Variants in TTN observed in about 807,000 individuals in gnomAD.
TTN encodes titin.
Under a neutral mutation model 3,223.0 loss-of-function variants are expected in TTN, and 1,525 were observed. That is an observed-to-expected ratio of 0.47 (90% confidence interval 0.45 to 0.49). The LOEUF is 0.49. Ranked by LOEUF, TTN falls within the 20% of genes least tolerant of loss-of-function variation. TTN has a pLI of 0.00. For synonymous variants in TTN, 14,094 were observed against 15,161.0 expected (o/e 0.93, Z 5.17); for missense variants, 40,786 against 43,424.0 (o/e 0.94, Z 5.40).
At position 178,781,905 on chromosome 2, in the gene TTN, AGTGTGTGT is replaced by A. The variant is rs139001573; in HGVS notation, c.3380+299_3380+306del. On this transcript the variant is annotated intron_variant, in intron 20 of 362. Transcript: ENST00000589042. ...AAAATTGTCTCAAATCTTTTCTGGA[AGTGTGTGT>A]GTGTGTGTGTGTGTGTGGGTGTGTT... 1.0e-3 allele frequency among the ~76,000 whole-genome samples: 152 copies of A among 149,856 alleles called. 1 individual carries two copies. The highest frequency in any genetic ancestry group is 3.1e-3 in the African/African-American group (127 of 40,908).
At chr2:178,632,489 A>G in intron 235 of TTN, 37 bp downstream of exon 235, 1 of 1,591,746 alleles carries the variant, frequency 6.3e-7, no homozygotes, top group Non-Finnish European at 8.5e-7. Context: ...GGCAAAAAAA[A>G]TGATTTTGGG....
intron 24 of TTN, 136 bp from the exon 25 acceptor site, chr2:178,778,111 A>C: frequency 7.5e-6 from 8 of 1,066,644 alleles, no homozygotes; most frequent in Non-Finnish European, 9.6e-6. Flanking sequence ...CCTCAAACTC[A>C]TTCAGATCTA....
intron 157 of TTN, 82 bp downstream of exon 157, chr2:178,670,136 T>C (rs1194997099): frequency 2.4e-6 from 2 of 841,752 alleles, no homozygotes; most frequent in South Asian, 3.4e-5. Context: ...TCTTGTGGCA[T>C]TGAGAAGAGA....
At chr2:178,701,822 T>C (rs2075055518) in intron 109 of TTN, among the ~76,000 whole-genome samples, 1 of 152,198 alleles carries the variant, frequency 6.6e-6, no homozygotes, top group Admixed American at 6.5e-5. Flanking sequence ...GATTCTAGCA[T>C]CAGCTGAGTG....
In TTN at chr2:178,667,296, A is replaced by G; in HGVS notation, c.35737T>C (p.Phe11913Leu). ...GCCTCAGGTGGCTCCACCTCTGGAA[A>G]AATGCCTCTGGTTGTATCAGGTTCT... ...TKEPDTTRGI[F>L]PEVEPPEAIP... is the part of the protein sequence containing the mutation. Residue 11913 changes from phenylalanine (F) to leucine (L), a missense_variant, in exon 162 of 363, where the codon TTT (phenylalanine) becomes CTT (leucine). Coordinates refer to ENST00000589042, the MANE Select transcript of TTN (RefSeq NM_001267550.2). 1.9e-6 allele frequency: 3 copies of G among 1,605,122 alleles called. No individual in the cohort carries two copies. Among genetic ancestry groups the G allele is most frequent in the Non-Finnish European group, 2.6e-6 (3 of 1,175,838 alleles).
intron 116 of TTN, 75 bp from the exon 117 acceptor site, chr2:178,694,751 T>C (rs2073276320): frequency 1.3e-6 from 2 of 1,484,876 alleles, no homozygotes; most frequent in East Asian, 4.9e-5. Flanking sequence ...TATTTGATTA[T>C]ATAAATAACT....
Position 178,709,834 on chromosome 2 carries a change from G to T in TTN, c.28485C>A (p.Phe9495Leu). The change falls in exon 99 of 363, where the codon TTC becomes TTA. Residue 9495 changes from phenylalanine (F) to leucine (L), a missense_variant. Coordinates refer to ENST00000589042, the MANE Select transcript of TTN (RefSeq NM_001267550.2). ...NIKERLIPPS[F>L]TKRLSETVEE... ...CTACTGTCTCTGAGAGTCTTTTAGT[G>T]AAACTTGGTGGGATGAGCCGCTCTA... The T allele has an allele frequency of 6.2e-7, 1 of 1,612,066 alleles. No individual in the cohort carries two copies.
rs570998762 is a variant in TTN, at chr2:178,565,762, A to G, written c.80370T>C (p.Thr26790=). ...GTGATGCACTGGTCTGGGACACATC[A>G]GTGAGTGTAACCTTTCCTGGTGGGG... ...PPSPPGKVTL[T]DVSQTSASLM... The change falls in exon 326 of 363, where the codon ACT becomes ACC. Residue 26790 remains threonine, a synonymous_variant. Transcript: ENST00000589042. The G allele has an allele frequency of 1.2e-6, 2 of 1,613,586 alleles. No individual in the cohort carries two copies. Among genetic ancestry groups the G allele is most frequent in the Admixed American group, 3.3e-5 (2 of 59,990 alleles).
intron 50 of TTN, among the ~76,000 whole-genome samples, 162 bp from the exon 51 acceptor site, chr2:178,735,150 A>G (rs768448454): frequency 1.3e-5 from 2 of 152,230 alleles, no homozygotes; most frequent in Non-Finnish European, 2.9e-5. Context: ...TATCATTCTA[A>G]GACACTTTCC....
rs146572907 is a variant in TTN, at chr2:178,767,782, G to A, written c.9448C>T (p.Arg3150Ter). 9.9e-6 allele frequency: 16 copies of A among 1,613,974 alleles called. No individual in the cohort carries two copies. Among genetic ancestry groups the A allele is most frequent in the Non-Finnish European group, 1.2e-5 (14 of 1,179,968 alleles). ...ACCTGAACCTCCTTTTTAATACTTCGGATGCGAACATCTCTGCCTTCTACA... is the reference window on the plus strand; with the variant it reads ...ACCTGAACCTCCTTTTTAATACTTCAGATGCGAACATCTCTGCCTTCTACA... ...LFVEGRDVRI[R>*]SIKKEVQVIE... Residue 3150 changes from arginine to a stop codon, truncating the protein, a stop_gained, in exon 40 of 363, where the codon CGA (arginine) becomes TGA (stop). Coordinates refer to ENST00000589042, the MANE Select transcript of TTN (RefSeq NM_001267550.2). LOFTEE classifies it high-confidence loss of function.
At position 178,756,785 on chromosome 2, in the gene TTN, T is replaced by G. The variant is rs974826356; in HGVS notation, c.10691A>C (p.Asp3564Ala). ...TACATCTTTCCCAGAACTTTGCCTA[T>G]CTAGGGCTTGCACTGTATAATCAAG... The part of the protein sequence containing the change: ...LTVTPKVQAL[D>A]RQSSGKDVRE... Residue 3564 changes from aspartate to alanine, a missense_variant, in exon 46 of 363, where the codon GAT becomes GCT. By Grantham distance (126) the Asp-to-Ala change is moderately radical (BLOSUM62 -2). Transcript: ENST00000589042. 2 of 1,613,640 alleles carry G rather than the reference T, an allele frequency of 1.2e-6. No homozygotes were observed. The highest frequency in any genetic ancestry group is 4.5e-5 in the East Asian group (2 of 44,836).
chr2:178,704,010 C>A, intron 106 of TTN, 137 bp downstream of exon 106: 1 of 1,125,900 alleles, frequency 8.9e-7, no homozygotes, highest in Non-Finnish European at 1.2e-6. Context: ...GAGATGAATA[C>A]TATGAGAACG....
At position 178,553,189 on chromosome 2, in the gene TTN, C is replaced by A. The variant is rs397517744; in HGVS notation, c.89711G>T (p.Arg29904Leu). The A allele has an allele frequency of 1.2e-6, 2 of 1,613,812 alleles. No homozygotes were observed. The highest frequency in any genetic ancestry group is 1.7e-6 in the Non-Finnish European group (2 of 1,179,800). ...SSLLTIPQVT[R>L]NDTGKYILTI... is the part of the protein sequence containing the mutation. ...GAGAATATATTTTCCTGTATCATTGCGAGTAACTTGAGGAATGGTGAGTAA... is the reference window on the plus strand; with the variant it reads ...GAGAATATATTTTCCTGTATCATTGAGAGTAACTTGAGGAATGGTGAGTAA... The change falls in exon 335 of 363, where the codon CGC becomes CTC. Residue 29904 changes from arginine (R) to leucine (L), a missense_variant. Transcript: ENST00000589042.
At position 178,594,587 on chromosome 2, in the gene TTN, A is replaced by C; in HGVS notation, c.57907T>G (p.Leu19303Val). 3 of 1,612,978 alleles carry C rather than the reference A, an allele frequency of 1.9e-6. No individual in the cohort carries two copies. Among genetic ancestry groups the C allele is most frequent in the Non-Finnish European group, 2.5e-6 (3 of 1,179,326 alleles). ...VKEVTKNTVT[L>V]TWNPPKYDGG... ...TCATACTTAGGAGGATTCCAAGTCAAAGTTACAGTATTTTTAGTAACTTCT... is the reference window on the plus strand; with the variant it reads ...TCATACTTAGGAGGATTCCAAGTCACAGTTACAGTATTTTTAGTAACTTCT... Residue 19303 changes from leucine to valine, a missense_variant, in exon 296 of 363, where the codon TTG becomes GTG. By Grantham distance (32) the Leu-to-Val change is conservative. Coordinates refer to ENST00000589042, the MANE Select transcript of TTN (RefSeq NM_001267550.2).
chr2:178,558,550 C>T lies in TTN; in HGVS notation c.86909G>A (p.Gly28970Asp), dbSNP rs1575593866. The T allele has an allele frequency of 4.3e-6, 7 of 1,613,632 alleles. No individual in the cohort carries two copies. The highest frequency in any genetic ancestry group is 5.9e-6 in the Non-Finnish European group (7 of 1,179,816). Residue 28970 changes from glycine (G) to aspartate (D), a missense_variant, in exon 327 of 363, where the codon GGC (glycine) becomes GAC (aspartate). Physicochemically the swap from Gly to Asp is moderately conservative, Grantham distance 94. Transcript: ENST00000589042. ...GACATAGTGTACAATTCTGCTTCCG[C>T]CATCATGTTCAGGCTTCAGCCAGGT... ...SLTWLKPEHD[G>D]GSRIVHYVVE...
rs2154220622 is a variant in TTN at position 178,632,318 on chromosome 2, G to A, written c.43576C>T (p.Arg14526Ter). The A allele has an allele frequency of 6.2e-7, 1 of 1,607,790 alleles. No homozygotes were observed. ...TGGTCATTCTTGAACCATTTAACTC[G>A]GATGTTATCATGAGATAACTCCACA... ...FTVELSHDNI[R>*]VKWFKNDQRL... The change falls in exon 236 of 363, where the codon CGA becomes TGA. Residue 14526 changes from arginine (R) to a stop codon, truncating the protein, a stop_gained. Transcript: ENST00000589042. LOFTEE classifies it high-confidence loss of function.
At chr2:178,766,001 G>A (rs946766321) in intron 41 of TTN, among the ~76,000 whole-genome samples, 2 of 152,148 alleles carry the variant, frequency 1.3e-5, no homozygotes, top group Non-Finnish European at 2.9e-5. Flanking sequence ...ATCAGAGGCT[G>A]GAAACACCCC....
chr2:178,595,084 A>G (rs1179605363), intron 295 of TTN, among the ~76,000 whole-genome samples: 1 of 152,166 alleles, frequency 6.6e-6, no homozygotes, highest in African/African-American at 2.4e-5. Flanking sequence ...CAGCCTGGCC[A>G]ACATGGCAAA....
At chr2:178,654,166 C>T in intron 193 of TTN, 42 bp downstream of exon 193, 1 of 1,587,240 alleles carries the variant, frequency 6.3e-7, no homozygotes, top group Non-Finnish European at 8.5e-7. Flanking sequence ...GTGAGGGGTA[C>T]AGACAGTAAG....
Sources: allele counts gnomAD v4.1 joint callset (sites outside exome capture counted in the v4.1 genomes callset), GRCh38; gene constraint gnomAD v4.1.1; transcripts MANE v1.5; gene names NCBI Gene and HGNC (gene_info 2026-07-23, HGNC 2026-07-21).